CNTN6: variants seen among roughly 807,000 people sequenced by gnomAD.
CNTN6 encodes contactin 6.
CNTN6 carries 137 observed loss-of-function variants against 122.8 expected under a neutral mutation model. That is an observed-to-expected ratio of 1.12 (90% confidence interval 0.97 to 1.29). The LOEUF (loss-of-function observed/expected upper bound fraction) is 1.29, where lower values mean the gene tolerates loss of function less well. Ranked by LOEUF, CNTN6 falls within the 50% of genes most tolerant of loss-of-function variation. CNTN6 has a pLI of 0.00. For missense variants in CNTN6, 1,634 were observed against 1,223.4 expected (o/e 1.34, Z -5.01); for synonymous variants, 570 against 426.0 (o/e 1.34, Z -4.16).
At chr3:1,274,472 T>G (rs971477765) in intron 4 of CNTN6, among the ~76,000 whole-genome samples, 2 of 152,190 alleles carry the variant, frequency 1.3e-5, no homozygotes, top group African/African-American at 4.8e-5. Flanking sequence ...AGAGTTTATC[T>G]TAATACTTTT....
At chr3:1,267,556 C>T (rs1178394021) in intron 4 of CNTN6, among the ~76,000 whole-genome samples, 2 of 152,034 alleles carry the variant, frequency 1.3e-5, no homozygotes, top group East Asian at 3.9e-4. Flanking sequence ...CTGTTGCCAT[C>T]AAATATTTAA....
rs147865278 is a variant in CNTN6, at chr3:1,148,194, G to T, written c.55+131G>T. 6.3e-4 allele frequency: 423 copies of T among 669,000 alleles called. 1 individual carries two copies. The African/African-American group carries it at 6.7e-3, about 11-fold the overall frequency. The allele number at this position is 669,000 out of a possible 1,614,324, so 41.4% of individuals were successfully genotyped here. On this transcript the variant is annotated intron_variant, in intron 2 of 22. Transcript: ENST00000446702. ...AATGACTAAGTGATAATGTTTTGAA[G>T]GTAACTTCTATGACTCAGACAGGGA...
At chr3:1,284,288 A>G (rs1693976725) in intron 5 of CNTN6, among the ~76,000 whole-genome samples, 1 of 151,908 alleles carries the variant, frequency 6.6e-6, no homozygotes, top group African/African-American at 2.4e-5. Flanking sequence ...GTTATCAAAT[A>G]AAGAGGAAAA....
chr3:1,356,108 T>C (rs1706511621), intron 12 of CNTN6, among the ~76,000 whole-genome samples: 1 of 151,730 alleles, frequency 6.6e-6, no homozygotes. Context: ...AGGACTGAGA[T>C]TAAAATTACA....
chr3:1,119,668 A>T (rs918222506), intron 1 of CNTN6, among the ~76,000 whole-genome samples: 1 of 151,348 alleles, frequency 6.6e-6, no homozygotes, highest in Non-Finnish European at 1.5e-5. Context: ...CCTTTCCTTT[A>T]TTCACTTTCC....
intron 4 of CNTN6, among the ~76,000 whole-genome samples, chr3:1,262,387 A>G (rs1055232391): frequency 1.3e-5 from 2 of 152,134 alleles, no homozygotes; most frequent in African/African-American, 4.8e-5. Context: ...AGACTGGGAC[A>G]CCTGTAGATA....
At chr3:1,223,212 A>G (rs2094232306) in intron 3 of CNTN6, among the ~76,000 whole-genome samples, 1 of 152,334 alleles carries the variant, frequency 6.6e-6, no homozygotes, top group East Asian at 1.9e-4. Context: ...GTAAAGCAAC[A>G]TAAAAGAATC....
At chr3:1,210,404 G>T (rs985158807) in intron 2 of CNTN6, among the ~76,000 whole-genome samples, 2 of 84,086 alleles carry the variant, frequency 2.4e-5, no homozygotes, top group African/African-American at 5.7e-5. Flanking sequence ...GGAAGGGAAG[G>T]AAAGGGAAGG....
intron 8 of CNTN6, among the ~76,000 whole-genome samples, chr3:1,323,231 A>G (rs1186402392): frequency 6.6e-6 from 1 of 151,792 alleles, no homozygotes; most frequent in African/African-American, 2.4e-5. Flanking sequence ...AACAATGTTC[A>G]GTGATACTAT....
chr3:1,401,136 T>C, intron 20 of CNTN6: 1 of 260,510 alleles, frequency 3.8e-6, no homozygotes. Context: ...AGACCCTCTG[T>C]CTGTTTATAT....
intron 11 of CNTN6, among the ~76,000 whole-genome samples, chr3:1,332,700 T>C (rs1702495111): frequency 6.6e-6 from 1 of 152,058 alleles, no homozygotes; most frequent in African/African-American, 2.4e-5. Flanking sequence ...ATTTGTCTTC[T>C]ATAGAACTTC....
intron 2 of CNTN6, among the ~76,000 whole-genome samples, chr3:1,204,561 T>C (rs1190127048): frequency 7.6e-6 from 1 of 132,076 alleles, no homozygotes; most frequent in Non-Finnish European, 1.6e-5. Flanking sequence ...TGCTCACCTC[T>C]CCCTTCTCTT....
chr3:1,277,154 G>T (rs1212924150), intron 4 of CNTN6, among the ~76,000 whole-genome samples: 1 of 151,932 alleles, frequency 6.6e-6, no homozygotes, highest in African/African-American at 2.4e-5. Context: ...AATAGATCTT[G>T]GTAGACAATT....
At chr3:1,343,572 G>A (rs1440425304) in intron 11 of CNTN6, among the ~76,000 whole-genome samples, 1 of 152,062 alleles carries the variant, frequency 6.6e-6, no homozygotes, top group African/African-American at 2.4e-5. Context: ...GAAACAAAAG[G>A]CTGAATATTT....
At chr3:1,351,074 T>C (rs937114779) in intron 11 of CNTN6, among the ~76,000 whole-genome samples, 7 of 151,892 alleles carry the variant, frequency 4.6e-5, no homozygotes, top group Admixed American at 3.3e-4. Context: ...TTATATGCCA[T>C]GGAACATTCT....
intron 4 of CNTN6, among the ~76,000 whole-genome samples, chr3:1,228,710 T>C (rs2125555790): frequency 6.6e-6 from 1 of 152,300 alleles, no homozygotes; most frequent in South Asian, 2.1e-4. Flanking sequence ...AACCATTATG[T>C]CCCAGAGGAT....
At chr3:1,236,954 G>A (rs554551787) in intron 4 of CNTN6, among the ~76,000 whole-genome samples, 3 of 152,000 alleles carry the variant, frequency 2.0e-5, no homozygotes, top group South Asian at 2.1e-4. Context: ...GGTGGTGGGC[G>A]CCTGTAGTGC....
chr3:1,227,696 C>T, intron 3 of CNTN6, 122 bp from the exon 4 acceptor site: 1 of 1,029,246 alleles, frequency 9.7e-7, no homozygotes, highest in East Asian at 2.5e-5. Flanking sequence ...AGGATTACCT[C>T]CACATGTAAT....
chr3:1,320,095 T>C (rs1004863528), intron 7 of CNTN6, among the ~76,000 whole-genome samples: 2 of 151,660 alleles, frequency 1.3e-5, no homozygotes, highest in African/African-American at 2.4e-5. Context: ...ATTGTTGCCA[T>C]GAATATACCA....
Sources: gnomAD v4.1 joint callset for allele counts (sites outside exome capture counted in the v4.1 genomes callset) on GRCh38, gnomAD v4.1.1 for gene constraint, MANE v1.5 for transcripts, NCBI Gene and HGNC (gene_info 2026-07-23, HGNC 2026-07-21) for gene names.